SPATA6L: variants seen among roughly 807,000 people sequenced by gnomAD.
The protein encoded by SPATA6L is spermatogenesis associated 6-like protein.
In SPATA6L, 68 loss-of-function variants were observed where a neutral mutation model predicts 49.2. The observed-to-expected ratio is 1.38, with a 90% CI of 1.14 to 1.69. The LOEUF (loss-of-function observed/expected upper bound fraction) is 1.69, where lower values mean the gene tolerates loss of function less well. SPATA6L is among the 40% of genes most tolerant of loss of function. The pLI is 0.00. For missense variants in SPATA6L, 668 were observed against 464.3 expected, an observed-to-expected ratio of 1.44 and a Z score of -4.03; for synonymous variants, 198 against 165.7, an observed-to-expected ratio of 1.19 and a Z score of -1.50.
At chr9:4,598,009 T>G (rs991639617), downstream of SPATA6L, among the ~76,000 whole-genome samples, 1 of 152,208 alleles carries the variant, frequency 6.6e-6, no homozygotes, top group Non-Finnish European at 1.5e-5. Context: ...AAATTACACC[T>G]AAAACCCGCC....
At chr9:4,643,962 G>C (rs1007540402) in intron 3 of SPATA6L, among the ~76,000 whole-genome samples, 2 of 151,750 alleles carry the variant, frequency 1.3e-5, no homozygotes, top group Admixed American at 1.3e-4. Context: ...AGCTGAGCTT[G>C]CATCACTGCA....
At chr9:4,626,662 C>A in intron 5 of SPATA6L, 1 of 960,410 alleles carries the variant, frequency 1.0e-6, no homozygotes, top group African/African-American at 1.7e-5. Context: ...AAAATTAAAT[C>A]TTTCTGTTAC....
intron 2 of SPATA6L, among the ~76,000 whole-genome samples, chr9:4,658,923 C>G (rs1316073676): frequency 6.9e-6 from 1 of 145,552 alleles, no homozygotes; most frequent in Non-Finnish European, 1.5e-5. Context: ...GCACTCCAGC[C>G]TAGGTGACAG....
At chr9:4,646,895 C>A (rs928600075) in intron 3 of SPATA6L, among the ~76,000 whole-genome samples, 1 of 151,906 alleles carries the variant, frequency 6.6e-6, no homozygotes, top group African/African-American at 2.4e-5. Flanking sequence ...ACAGAGGGGA[C>A]CAATACACAC....
chr9:4,644,207 A>C (rs1469383132), intron 3 of SPATA6L, among the ~76,000 whole-genome samples: 2 of 139,824 alleles, frequency 1.4e-5, no homozygotes, highest in Non-Finnish European at 3.0e-5. Context: ...AAAAAAAAAA[A>C]AAAAAAAAAA....
At chr9:4,626,633 C>T (rs1830404884) in intron 5 of SPATA6L, 4 of 1,123,586 alleles carry the variant, frequency 3.6e-6, no homozygotes, top group Non-Finnish European at 4.7e-6. Context: ...TTCTTTCAAC[C>T]CCTGTTTAGC....
chr9:4,657,351 T>C (rs1838519833), intron 2 of SPATA6L, among the ~76,000 whole-genome samples: 1 of 152,146 alleles, frequency 6.6e-6, no homozygotes, highest in Non-Finnish European at 1.5e-5. Context: ...GGTTGAATTG[T>C]GTCCCCCCAA....
intron 3 of SPATA6L, among the ~76,000 whole-genome samples, chr9:4,646,142 A>C (rs957233004): frequency 6.6e-6 from 1 of 151,834 alleles, no homozygotes. Context: ...ACACACACAC[A>C]CACCCCACAA....
At chr9:4,634,882 C>T (rs940714337) in intron 4 of SPATA6L, among the ~76,000 whole-genome samples, 11 of 152,112 alleles carry the variant, frequency 7.2e-5, no homozygotes, top group African/African-American at 2.7e-4. Flanking sequence ...TCTGCCTTGG[C>T]TAACTTGAGA....
chr9:4,653,327 C>T (rs1295752064), intron 3 of SPATA6L, among the ~76,000 whole-genome samples: 1 of 152,114 alleles, frequency 6.6e-6, no homozygotes, highest in African/African-American at 2.4e-5. Context: ...TGAAGTTGGT[C>T]CCCAACATCA....
chr9:4,638,388 C>G (rs936515698), intron 3 of SPATA6L, among the ~76,000 whole-genome samples: 5 of 152,050 alleles, frequency 3.3e-5, no homozygotes, highest in African/African-American at 1.2e-4. Context: ...AATTTTTGTA[C>G]TTTTAGTAGA....
intron 2 of SPATA6L, among the ~76,000 whole-genome samples, chr9:4,657,040 A>G (rs2146423): frequency 0.43 from 65,458 of 151,864 alleles, 14,285 homozygotes; most frequent in East Asian, 0.64. Context: ...CTGTCTAGCC[A>G]TTGCCAAATC....
intron 10 of SPATA6L, among the ~76,000 whole-genome samples, 200 bp from the exon 11 acceptor site, chr9:4,604,469 A>T (rs1824218539): frequency 6.6e-6 from 1 of 151,126 alleles, no homozygotes; most frequent in Admixed American, 6.6e-5. Context: ...CTGGTCTTGA[A>T]CCTCCTGGCC....
chr9:4,655,604 A>C (rs1448771205), intron 3 of SPATA6L, among the ~76,000 whole-genome samples: 1 of 151,368 alleles, frequency 6.6e-6, no homozygotes, highest in Non-Finnish European at 1.5e-5. Flanking sequence ...TCTGGAGTGC[A>C]ATGGCACGAT....
chr9:4,664,263 C>T (rs909823671), intron 1 of SPATA6L: 2 of 166,988 alleles, frequency 1.2e-5, no homozygotes, highest in African/African-American at 4.8e-5. Context: ...GAATAATGCT[C>T]CTCTTTCAGG....
chr9:4,664,089 A>G (rs933972595), intron 1 of SPATA6L: 3 of 167,112 alleles, frequency 1.8e-5, no homozygotes, highest in Non-Finnish European at 4.4e-5. Context: ...CCCCATGCTT[A>G]TTTTTGTTTA....
chr9:4,590,092 T>C (rs1162344988), intron 13 of SPATA6L, among the ~76,000 whole-genome samples: 1 of 150,616 alleles, frequency 6.6e-6, no homozygotes, highest in Non-Finnish European at 1.5e-5. Flanking sequence ...CCCAGCTAAT[T>C]TTTGTATTTT....
chr9:4,640,665 A>T (rs1833834340), intron 3 of SPATA6L, among the ~76,000 whole-genome samples: 1 of 152,134 alleles, frequency 6.6e-6, no homozygotes, highest in South Asian at 2.1e-4. Flanking sequence ...CACTAGGAAG[A>T]CTGGCACAGT....
chr9:4,610,152 CA>C (rs1277749698), intron 9 of SPATA6L, among the ~76,000 whole-genome samples: 3 of 152,022 alleles, frequency 2.0e-5, no homozygotes, highest in African/African-American at 7.3e-5. Context: ...AAAGAGGATA[CA>C]AACAAATGGA....
Sources: allele counts gnomAD v4.1 joint callset (sites outside exome capture counted in the v4.1 genomes callset), GRCh38; gene constraint gnomAD v4.1.1; transcripts MANE v1.5; gene names NCBI Gene and HGNC (gene_info 2026-07-23, HGNC 2026-07-21).